Variants in FOXP1 observed in about 807,000 individuals in gnomAD.
FOXP1 encodes the protein forkhead box protein P1.
Under a neutral mutation model 98.2 loss-of-function variants are expected in FOXP1, and 15 were observed. That is an observed-to-expected ratio of 0.15 (90% CI 0.10 to 0.24). FOXP1 has a LOEUF of 0.24. Ranked by LOEUF, FOXP1 falls within the 10% of genes least tolerant of loss-of-function variation. The probability of loss-of-function intolerance (pLI) is 1.00; values close to 1 mark genes in which losing one functional copy is unlikely to be tolerated. For synonymous variants in FOXP1, 371 were observed against 314.5 expected (o/e 1.18, Z -1.90); for missense variants, 633 against 848.5 (o/e 0.75, Z 3.15).
chr3:70,977,336 C>T (rs530770933), intron 16 of FOXP1, among the ~76,000 whole-genome samples: 8 of 152,228 alleles, frequency 5.3e-5, no homozygotes, highest in African/African-American at 1.9e-4. Flanking sequence ...CTGATTAAAG[C>T]TCAGTAATTA....
chr3:71,491,871 T>C (rs1365185095), intron 3 of FOXP1, among the ~76,000 whole-genome samples: 1 of 152,212 alleles, frequency 6.6e-6, no homozygotes, highest in African/African-American at 2.4e-5. Flanking sequence ...CTGGCCCAAG[T>C]AATTGAATGC....
intron 5 of FOXP1, among the ~76,000 whole-genome samples, chr3:71,260,888 A>AG (rs1214187318): frequency 6.6e-6 from 1 of 152,262 alleles, no homozygotes; most frequent in East Asian, 1.9e-4. Flanking sequence ...ACCAAAAGTT[A>AG]GGGGCAAAAG....
intron 7 of FOXP1, among the ~76,000 whole-genome samples, chr3:71,100,960 A>T (rs2056904353): frequency 6.6e-6 from 1 of 152,146 alleles, no homozygotes; most frequent in Admixed American, 6.5e-5. Context: ...AGAGGATAGG[A>T]GGTGAGCGAT....
chr3:71,231,062 C>CT (rs1245412192), intron 5 of FOXP1, among the ~76,000 whole-genome samples: 1 of 152,170 alleles, frequency 6.6e-6, no homozygotes, highest in African/African-American at 2.4e-5. Flanking sequence ...TGCAAATCTA[C>CT]TTTTTTTGTT....
chr3:71,001,118 G>GT (rs1403367098), intron 12 of FOXP1, 59 bp from the exon 13 acceptor site: 29 of 1,343,440 alleles, frequency 2.2e-5, no homozygotes, highest in Admixed American at 1.7e-5. Flanking sequence ...GAAAATATAA[G>GT]TTACCAGGAT....
intron 2 of FOXP1, among the ~76,000 whole-genome samples, chr3:71,508,105 G>C (rs1304193463): frequency 6.6e-6 from 1 of 152,140 alleles, no homozygotes; most frequent in Non-Finnish European, 1.5e-5. Flanking sequence ...CTTTTCTAAT[G>C]AGTGCTGCTG....
intron 4 of FOXP1, among the ~76,000 whole-genome samples, chr3:71,336,010 CAAAAAAAAAAAAAAAAAAAAAAA>C (rs60051890): frequency 2.9e-5 from 1 of 34,058 alleles, no homozygotes; most frequent in Non-Finnish European, 4.6e-5. Context: ...AACTCCATCT[CAAAAAAAAAAAAAAAAAAAAAAA>C]AAAAAAAAAA....
chr3:71,044,441 T>G (rs2048755276), intron 10 of FOXP1, among the ~76,000 whole-genome samples: 1 of 152,158 alleles, frequency 6.6e-6, no homozygotes, highest in African/African-American at 2.4e-5. Flanking sequence ...GATAGGCTAA[T>G]TATGTAAAAC....
intron 20 of FOXP1, among the ~76,000 whole-genome samples, chr3:70,960,841 A>T (rs1038475735): frequency 3.6e-5 from 5 of 137,268 alleles, no homozygotes; most frequent in South Asian, 2.3e-4. Flanking sequence ...TAAAAAAATA[A>T]TTTTTTTTTT....
chr3:71,198,544 C>G (rs1346395626), intron 5 of FOXP1, among the ~76,000 whole-genome samples, 152 bp from the exon 6 acceptor site: 2 of 152,196 alleles, frequency 1.3e-5, no homozygotes, highest in Non-Finnish European at 2.9e-5. Context: ...CAACTTATCC[C>G]CTCATTAGTG....
chr3:71,347,861 GCAA>G (rs1331461358), intron 4 of FOXP1, among the ~76,000 whole-genome samples: 3 of 144,646 alleles, frequency 2.1e-5, no homozygotes, highest in Non-Finnish European at 4.5e-5. Context: ...CTCCGGCTCA[GCAA>G]CAAGAGCAAA....
chr3:71,113,356 G>GGGATGGTTTCTCCT (rs2058092909), intron 6 of FOXP1, among the ~76,000 whole-genome samples: 2 of 152,168 alleles, frequency 1.3e-5, no homozygotes, highest in African/African-American at 4.8e-5. Context: ...CATTGGGGAG[G>GGGATGGTTTCTCCT]TAGTATGAAT....
At chr3:71,574,353 G>C (rs1446715246) in intron 2 of FOXP1, 1 of 152,112 alleles carries the variant, frequency 6.6e-6, no homozygotes, top group Non-Finnish European at 1.5e-5. Flanking sequence ...TATTAATACA[G>C]ATGAAAAAAT....
At chr3:71,156,886 C>G (rs2060850121) in intron 6 of FOXP1, among the ~76,000 whole-genome samples, 1 of 152,206 alleles carries the variant, frequency 6.6e-6, no homozygotes, top group Admixed American at 6.5e-5. Context: ...CCTGGGCAAC[C>G]ATTGGTCCTG....
intron 7 of FOXP1, among the ~76,000 whole-genome samples, chr3:71,097,221 T>A (rs1374341568): frequency 6.6e-6 from 1 of 152,208 alleles, no homozygotes; most frequent in East Asian, 1.9e-4. Context: ...GTTTTTATAT[T>A]CTTAAATAGC....
chr3:71,327,961 CAT>C (rs765830488), intron 4 of FOXP1, among the ~76,000 whole-genome samples: 2 of 152,192 alleles, frequency 1.3e-5, no homozygotes, highest in Non-Finnish European at 2.9e-5. Context: ...CCTCTCTACA[CAT>C]GACAGTAGGC....
intron 5 of FOXP1, among the ~76,000 whole-genome samples, chr3:71,265,495 G>A (rs920952001): frequency 6.6e-6 from 1 of 152,190 alleles, no homozygotes; most frequent in Non-Finnish European, 1.5e-5. Context: ...CTCCAGGCCT[G>A]GAAAGCCAAC....
intron 12 of FOXP1, among the ~76,000 whole-genome samples, chr3:71,006,935 A>C (rs143132901): frequency 8.5e-5 from 13 of 152,276 alleles, no homozygotes; most frequent in African/African-American, 2.4e-4. Flanking sequence ...CTTTTGAGCA[A>C]AGAGGTGGCA....
chr3:71,376,221 G>C (rs1336959956), intron 3 of FOXP1, among the ~76,000 whole-genome samples: 3 of 152,074 alleles, frequency 2.0e-5, no homozygotes, highest in Admixed American at 2.0e-4. Flanking sequence ...AACCACTGGA[G>C]TAAGATTAAT....
Sources: allele counts gnomAD v4.1 joint callset (sites outside exome capture counted in the v4.1 genomes callset), GRCh38; gene constraint gnomAD v4.1.1; transcripts MANE v1.5; gene names NCBI Gene and HGNC (gene_info 2026-07-23, HGNC 2026-07-21).